TMEM214: variants seen among roughly 807,000 people sequenced by gnomAD.
TMEM214 encodes the protein transmembrane protein 214.
TMEM214 carries 71 observed loss-of-function variants against 89.8 expected under a neutral mutation model. The ratio of observed to expected loss-of-function variants is 0.79; its 90% CI spans 0.65 to 0.96. The LOEUF is 0.96. TMEM214 is among the 40% of genes least tolerant of loss of function. The probability of loss-of-function intolerance (pLI) is 0.00; values close to 1 mark genes in which losing one functional copy is unlikely to be tolerated. For missense variants in TMEM214, 754 were observed against 843.4 expected (o/e 0.89, Z 1.31); for synonymous variants, 332 against 349.5 (o/e 0.95, Z 0.56).
In TMEM214 at chr2:27,037,636, G is replaced by A; in HGVS notation, c.1086G>A (p.Leu362=). ...LAFGAKPDST[L]HTYFPSFLSR... is the part of the protein sequence containing the mutation. ...TTGGAGCAAAGCCGGATTCCACCCT[G>A]CATACCTACTTCCCTTCTTTCCTGT... The change falls in exon 9 of 17, where the codon CTG becomes CTA. Residue 362 remains leucine, a synonymous_variant. Transcript: ENST00000238788. The A allele has an allele frequency of 6.2e-7, 1 of 1,614,156 alleles. No homozygotes were observed. Among genetic ancestry groups the A allele is most frequent in the Non-Finnish European group, 8.5e-7 (1 of 1,180,022 alleles).
At position 27,036,522 on chromosome 2, in the gene TMEM214, A is replaced by C; in HGVS notation, c.756A>C (p.Pro252=). ...TGCTGAGGTCCCACCAGAGCCGACC[A>C]GCAAAGTGTCTCACCATCATGTGGG... ...LELLRSHQSR[P]AKCLTIMWAL... is the part of the protein sequence containing the mutation. The change falls in exon 6 of 17, where the codon CCA becomes CCC. Residue 252 remains proline (P), a synonymous_variant. Transcript: ENST00000238788. 1 of 1,614,126 alleles carries C rather than the reference A, an allele frequency of 6.2e-7. No individual in the cohort carries two copies. Among genetic ancestry groups the C allele is most frequent in the Non-Finnish European group, 8.5e-7 (1 of 1,180,014 alleles).
Position 27,038,401 on chromosome 2 carries a change from G to A in TMEM214, c.1245-83G>A. 1 of 1,586,326 alleles carries A rather than the reference G, an allele frequency of 6.3e-7. No individual in the cohort carries two copies. Among genetic ancestry groups the A allele is most frequent in the South Asian group, 1.1e-5 (1 of 90,522 alleles). ...TGGTAGGTGGAGGGTCTTTCAGCCT[G>A]AAGGAGCCAGGGCTAATGGAGGACA... On this transcript the variant is annotated intron_variant, in intron 10 of 16. Transcript: ENST00000238788. This position sits in a 1 kb window ranked among gnomAD's most constrained non-coding sequence, Gnocchi z 4.4.
Position 27,036,536 on chromosome 2 carries a change from C to A in TMEM214, c.770C>A (p.Thr257Asn). The A allele has an allele frequency of 6.2e-7, 1 of 1,614,010 alleles. No homozygotes were observed. ...SHQSRPAKCL[T>N]IMWALGQAGF... Reference sequence around the variant, plus strand: ...CAGAGCCGACCAGCAAAGTGTCTCACCATCATGTGGGCCCTGGGTCAAGCA... The same window carrying A: ...CAGAGCCGACCAGCAAAGTGTCTCAACATCATGTGGGCCCTGGGTCAAGCA... Residue 257 changes from threonine (T) to asparagine (N), a missense_variant, in exon 6 of 17, where the codon ACC becomes AAC. Coordinates refer to ENST00000238788, the MANE Select transcript of TMEM214 (RefSeq NM_017727.5).
chr2:27,033,824 G>C (rs1430153766), intron 1 of TMEM214, among the ~76,000 whole-genome samples: 1 of 152,022 alleles, frequency 6.6e-6, no homozygotes, highest in East Asian at 1.9e-4. Flanking sequence ...TACATACTCT[G>C]ATTTGTCTAA....
In TMEM214 at chr2:27,038,275, A is replaced by T; in HGVS notation, c.1244+38A>T. 1 of 1,603,768 alleles carries T rather than the reference A, an allele frequency of 6.2e-7. No homozygotes were observed. The highest frequency in any genetic ancestry group is 8.5e-7 in the Non-Finnish European group (1 of 1,171,328). ...GGAGGCCAGCCTGTCCCTGTGCTAG[A>T]AGCAGAAGGGGAGCCTGGGTCACTG... On this transcript the variant is annotated intron_variant, in intron 10 of 16. Transcript: ENST00000238788. This position sits in a 1 kb window ranked among gnomAD's most constrained non-coding sequence, Gnocchi z 4.4.
intron 2 of TMEM214, among the ~76,000 whole-genome samples, chr2:27,034,894 C>T (rs2148240236): frequency 6.6e-6 from 1 of 152,280 alleles, no homozygotes; most frequent in Admixed American, 6.5e-5. Context: ...CTCTGTTTTC[C>T]TCTTGAACAT....
intron 2 of TMEM214, 102 bp downstream of exon 2, chr2:27,034,368 T>C: frequency 1.5e-6 from 2 of 1,325,360 alleles, no homozygotes; most frequent in East Asian, 4.9e-5. Flanking sequence ...CCTATGGGAT[T>C]TGAAACACTT....
rs1326223933 is a variant in TMEM214, at chr2:27,035,299, G to A, written c.502+14G>A. On this transcript the variant is annotated intron_variant, in intron 3 of 16. Transcript: ENST00000238788. Reference sequence around the variant, plus strand: ...AGCATACTCATGGTAAGTCCTTCCAGCTTCCTCAAGCTCAGACAAGTTCAA... The same window carrying A: ...AGCATACTCATGGTAAGTCCTTCCAACTTCCTCAAGCTCAGACAAGTTCAA... The A allele has an allele frequency of 1.2e-6, 2 of 1,614,046 alleles. No individual in the cohort carries two copies. The highest frequency in any genetic ancestry group is 4.5e-5 in the East Asian group (2 of 44,894).
intron 7 of TMEM214, 32 bp downstream of exon 7, chr2:27,036,818 T>A: frequency 6.2e-7 from 1 of 1,610,330 alleles, no homozygotes; most frequent in Non-Finnish European, 8.5e-7. Flanking sequence ...AGGGGAAGGC[T>A]CAGGGTGTCC....
chr2:27,037,200 C>A, intron 8 of TMEM214, 22 bp downstream of exon 8: 2 of 1,562,828 alleles, frequency 1.3e-6, no homozygotes, highest in Non-Finnish European at 1.8e-6. Flanking sequence ...CTGGGGCACA[C>A]CTGCTGAGAA....
At position 27,038,427 on chromosome 2, in the gene TMEM214, G is replaced by A; in HGVS notation, c.1245-57G>A. 1 of 1,607,946 alleles carries A rather than the reference G, an allele frequency of 6.2e-7. No individual in the cohort carries two copies. The highest frequency in any genetic ancestry group is 8.5e-7 in the Non-Finnish European group (1 of 1,175,532). ...AAGGAGCCAGGGCTAATGGAGGACA[G>A]GAGGATGGGTGAGGCTGCGCGAGCC... is the stretch of plus-strand genomic sequence containing the variant. On this transcript the variant is annotated intron_variant, in intron 10 of 16. Coordinates refer to ENST00000238788, the MANE Select transcript of TMEM214 (RefSeq NM_017727.5). This position sits in a 1 kb window ranked among gnomAD's most constrained non-coding sequence, Gnocchi z 4.4.
At position 27,040,819 on chromosome 2, in the gene TMEM214, C is replaced by T; in HGVS notation, c.2052C>T (p.Ala684=). ...TGGCTTTCTTGGACTGGGCACTTGC[C>T]CTGATATCCCAGCAGTAGGCCCTGC... ...ITVAFLDWAL[A]LISQQ is the part of the protein sequence containing the mutation. Residue 684 remains alanine (A), a synonymous_variant, in exon 17 of 17, where the codon GCC becomes GCT. Transcript: ENST00000238788. The T allele has an allele frequency of 8.7e-6, 14 of 1,613,918 alleles. No individual in the cohort carries two copies. Among genetic ancestry groups the T allele is most frequent in the Non-Finnish European group, 1.2e-5 (14 of 1,179,782 alleles).
At chr2:27,035,839 A>G in intron 4 of TMEM214, 111 bp downstream of exon 4, 1 of 1,586,834 alleles carries the variant, frequency 6.3e-7, no homozygotes. Context: ...TAACCTTAAC[A>G]CTTTTTGGAA....
Position 27,038,931 on chromosome 2 carries a change from C to G in TMEM214, c.1407+116C>G. 6.9e-7 allele frequency: 1 copy of G among 1,440,130 alleles called. No individual in the cohort carries two copies. The highest frequency in any genetic ancestry group is 9.7e-7 in the Non-Finnish European group (1 of 1,028,968). 89.2% of individuals were successfully genotyped at this position (1,440,130 alleles called of 1,614,324 possible). On this transcript the variant is annotated intron_variant, in intron 12 of 16. Transcript: ENST00000238788. This position sits in a 1 kb window ranked among gnomAD's most constrained non-coding sequence, Gnocchi z 4.4. ...ACCTGTCTGGAGCCCCCCGCTGCCT[C>G]CAGGATAATGTGAAGGCTTGACGCT...
chr2:27,037,733 T>A (rs1558398231), intron 9 of TMEM214, 31 bp downstream of exon 9: 1 of 1,614,036 alleles, frequency 6.2e-7, no homozygotes, highest in South Asian at 1.1e-5. Context: ...TTTTTCTCCT[T>A]CCCCAGGGGT....
In TMEM214 at chr2:27,039,766, A is replaced by T. The variant is rs1667745390; in HGVS notation, c.1551A>T (p.Arg517=). The T allele has an allele frequency of 6.2e-7, 1 of 1,614,016 alleles. No individual in the cohort carries two copies. Among genetic ancestry groups the T allele is most frequent in the South Asian group, 1.1e-5 (1 of 91,082 alleles). Residue 517 remains arginine (R), a synonymous_variant, in exon 14 of 17, where the codon CGA becomes CGT. Coordinates refer to ENST00000238788, the MANE Select transcript of TMEM214 (RefSeq NM_017727.5). The part of the protein sequence containing the change: ...FQASLTGRLL[R]SSGFLPASQQ... The stretch of plus-strand genomic sequence containing the variant: ...CCTCCCTTACTGGCCGGTTGCTTCG[A>T]TCATCTGGCTTCTTACCTGCTAGCC...
chr2:27,037,685 C>T lies in TMEM214; in HGVS notation c.1135C>T (p.Pro379Ser). ...FLSRATPSCP[P>S]EMKKELLSSL... ...GTCCAGAGCCACCCCTAGCTGTCCC[C>T]CTGAGATGAAGAAAGAGGTGAGGAT... The change falls in exon 9 of 17, where the codon CCT becomes TCT. Residue 379 changes from proline to serine, a missense_variant. By Grantham distance (74) the Pro-to-Ser change is moderately conservative (BLOSUM62 -1). Coordinates refer to ENST00000238788, the MANE Select transcript of TMEM214 (RefSeq NM_017727.5). 6.2e-7 allele frequency: 1 copy of T among 1,614,126 alleles called. No homozygotes were observed. Among genetic ancestry groups the T allele is most frequent in the Non-Finnish European group, 8.5e-7 (1 of 1,180,016 alleles).
chr2:27,038,953 C>T lies in TMEM214; in HGVS notation c.1408-94C>T, dbSNP rs923388579. ...CCTCCAGGATAATGTGAAGGCTTGA[C>T]GCTCTTTCGGGAAGGCCTGGCTTGA... On this transcript the variant is annotated intron_variant, in intron 12 of 16. Transcript: ENST00000238788. This position sits in a 1 kb window ranked among gnomAD's most constrained non-coding sequence, Gnocchi z 4.4. 3.4e-5 allele frequency: 50 copies of T among 1,481,996 alleles called. No individual in the cohort carries two copies. The highest frequency in any genetic ancestry group is 2.2e-4 in the Admixed American group (13 of 59,488). The allele number at this position is 1,481,996 out of a possible 1,614,324, so 91.8% of individuals were successfully genotyped here.
In TMEM214 at chr2:27,035,215, C is replaced by A. The variant is rs1667498202; in HGVS notation, c.432C>A (p.Asp144Glu). 6.2e-7 allele frequency: 1 copy of A among 1,614,200 alleles called. No individual in the cohort carries two copies. Among genetic ancestry groups the A allele is most frequent in the Non-Finnish European group, 8.5e-7 (1 of 1,180,028 alleles). The change falls in exon 3 of 17, where the codon GAC (aspartate) becomes GAA (glutamate). Residue 144 changes from aspartate (D) to glutamate (E), a missense_variant. Asp to Glu is a conservative substitution (Grantham distance 45). Transcript: ENST00000238788. ...GAAACCCATCCATATGGTTGAAGGA[C>A]CTGGCCAGCTATCTCAACTACAAGC... ...FSGNPSIWLK[D>E]LASYLNYKLQ... is the part of the protein sequence containing the mutation.
Sources: gnomAD v4.1 joint callset for allele counts (sites outside exome capture counted in the v4.1 genomes callset) on GRCh38, gnomAD v4.1.1 for gene constraint, Gnocchi (gnomAD v3.1) non-coding constraint, MANE v1.5 for transcripts, NCBI Gene and HGNC (gene_info 2026-07-23, HGNC 2026-07-21) for gene names.